PPP1R12A: variants seen among roughly 807,000 people sequenced by gnomAD.
The protein encoded by PPP1R12A is myosin binding subunit.
PPP1R12A carries 19 observed loss-of-function variants against 139.6 expected under a neutral mutation model. That is an observed-to-expected ratio of 0.14 (90% CI 0.09 to 0.20). The LOEUF is 0.20. Ranked by LOEUF, PPP1R12A falls within the 10% of genes least tolerant of loss-of-function variation. The pLI is 1.00. For missense variants in PPP1R12A, 925 were observed against 1,211.5 expected, an observed-to-expected ratio of 0.76 and a Z score of 3.51; for synonymous variants, 427 against 420.6, an observed-to-expected ratio of 1.02 and a Z score of -0.19.
At chr12:79,858,626 A>C (rs1017077521) in intron 2 of PPP1R12A, among the ~76,000 whole-genome samples, 1 of 151,936 alleles carries the variant, frequency 6.6e-6, no homozygotes, top group South Asian at 2.1e-4. Context: ...TGCTGGGGGG[A>C]GGTGAGGTTC....
At chr12:79,912,327 T>TACA (rs1886638960) in intron 1 of PPP1R12A, among the ~76,000 whole-genome samples, 2 of 152,242 alleles carry the variant, frequency 1.3e-5, no homozygotes, top group Non-Finnish European at 1.5e-5. Flanking sequence ...GGTCTTGTTT[T>TACA]GCTAATCTCT....
At chr12:79,906,050 A>T (rs1180362239) in intron 1 of PPP1R12A, among the ~76,000 whole-genome samples, 1 of 152,236 alleles carries the variant, frequency 6.6e-6, no homozygotes, top group Admixed American at 6.5e-5. Flanking sequence ...TTTAAATGAA[A>T]AAAATCTTAT....
chr12:79,798,508 TAG>T lies in PPP1R12A; in HGVS notation c.2075_2076del (p.Ser692Ter). On this transcript the variant is annotated frameshift_variant, in exon 15 of 25. Transcript: ENST00000450142. LOFTEE classifies it high-confidence loss of function. Reference sequence around the variant, plus strand: ...ATTAACTATACCTGTGTTGATCTTCTAGATTGTCTTGCTTGTCTAGATCTTGC... The same window carrying T: ...ATTAACTATACCTGTGTTGATCTTCTATTGTCTTGCTTGTCTAGATCTTGC... ...RKARSRQARQ[S>X]RRSTQGVTLT... is the part of the protein sequence containing the mutation. 1 of 1,552,054 alleles carries T rather than the reference TAG, an allele frequency of 6.4e-7. No individual in the cohort carries two copies. Among genetic ancestry groups the T allele is most frequent in the Non-Finnish European group, 8.8e-7 (1 of 1,141,404 alleles).
intron 2 of PPP1R12A, among the ~76,000 whole-genome samples, chr12:79,859,400 A>G (rs2137274893): frequency 6.6e-6 from 1 of 152,066 alleles, no homozygotes; most frequent in African/African-American, 2.4e-5. Context: ...GAGAGATGGA[A>G]AAAGGTAATG....
intron 9 of PPP1R12A, among the ~76,000 whole-genome samples, chr12:79,814,452 G>C (rs1875014352): frequency 7.2e-6 from 1 of 139,200 alleles, no homozygotes; most frequent in Non-Finnish European, 1.5e-5. Context: ...ACTCCAGCCT[G>C]GGCAACAGAG....
At chr12:79,874,267 C>A (rs1211752106) in intron 1 of PPP1R12A, among the ~76,000 whole-genome samples, 1 of 150,106 alleles carries the variant, frequency 6.7e-6, no homozygotes, top group Non-Finnish European at 1.5e-5. Flanking sequence ...GAGCAAGACT[C>A]CGTCTCCAAA....
At chr12:79,923,997 T>C (rs1370904091) in intron 1 of PPP1R12A, among the ~76,000 whole-genome samples, 2 of 152,150 alleles carry the variant, frequency 1.3e-5, no homozygotes, top group Non-Finnish European at 2.9e-5. Flanking sequence ...TGAGCCGAGA[T>C]TGTGCCATTG....
intron 23 of PPP1R12A, chr12:79,779,468 A>T: frequency 1.3e-6 from 1 of 779,370 alleles, no homozygotes; most frequent in Non-Finnish European, 1.9e-6. Context: ...TTTACTGTAA[A>T]TGTTAATGTT....
At chr12:79,886,692 A>C (rs1884134920) in intron 1 of PPP1R12A, among the ~76,000 whole-genome samples, 1 of 152,170 alleles carries the variant, frequency 6.6e-6, no homozygotes, top group African/African-American at 2.4e-5. Context: ...AAAAAATCTG[A>C]CGAAAACAAT....
chr12:79,843,939 G>C (rs891366348), intron 3 of PPP1R12A, among the ~76,000 whole-genome samples: 2 of 151,926 alleles, frequency 1.3e-5, no homozygotes, highest in African/African-American at 4.8e-5. Context: ...TCCTGACCTC[G>C]TGATCTGCCC....
intron 14 of PPP1R12A, among the ~76,000 whole-genome samples, chr12:79,799,093 A>G (rs1872791663): frequency 6.6e-6 from 1 of 152,140 alleles, no homozygotes; most frequent in Admixed American, 6.5e-5. Context: ...CTCTACCTAC[A>G]GTATTTTCAA....
At chr12:79,871,599 TC>T in intron 2 of PPP1R12A, among the ~76,000 whole-genome samples, 1 of 152,268 alleles carries the variant, frequency 6.6e-6, no homozygotes, top group South Asian at 2.1e-4. Flanking sequence ...AAGGTTATAC[TC>T]CTTGATAGTG....
intron 1 of PPP1R12A, among the ~76,000 whole-genome samples, chr12:79,887,374 T>C (rs756792083): frequency 6.6e-6 from 1 of 152,054 alleles, no homozygotes; most frequent in East Asian, 1.9e-4. Context: ...TTCCTGACAG[T>C]GCTATTTCAA....
At chr12:79,812,383 T>TGTGTGC (rs746676216) in intron 9 of PPP1R12A, among the ~76,000 whole-genome samples, 7,494 of 43,852 alleles carry the variant, frequency 0.17, 317 homozygotes, top group Non-Finnish European at 0.38. Context: ...TGACTGACTC[T>TGTGTGC]GTGTGTGCGT....
At chr12:79,815,729 C>A (rs1875287791) in intron 9 of PPP1R12A, among the ~76,000 whole-genome samples, 1 of 152,078 alleles carries the variant, frequency 6.6e-6, no homozygotes, top group Non-Finnish European at 1.5e-5. Flanking sequence ...TAACAGTCTT[C>A]AAAATTTTGC....
chr12:79,814,263 G>A (rs1052490386), intron 9 of PPP1R12A, among the ~76,000 whole-genome samples: 1 of 151,240 alleles, frequency 6.6e-6, no homozygotes, highest in Non-Finnish European at 1.5e-5. Flanking sequence ...GGATCACGAG[G>A]TCAGGAGATC....
intron 1 of PPP1R12A, among the ~76,000 whole-genome samples, chr12:79,908,028 G>C (rs1286615792): frequency 6.6e-6 from 1 of 152,152 alleles, no homozygotes. Context: ...GGAAAAATCA[G>C]ACGGCTTGCT....
chr12:79,925,723 C>T (rs929826922), intron 1 of PPP1R12A, among the ~76,000 whole-genome samples: 1 of 151,998 alleles, frequency 6.6e-6, no homozygotes, highest in African/African-American at 2.4e-5. Context: ...GGCAGTAACA[C>T]AGAACTCAAG....
chr12:79,817,481 G>A lies in PPP1R12A; in HGVS notation c.1152C>T (p.Asn384=). The A allele has an allele frequency of 6.2e-7, 1 of 1,602,650 alleles. No homozygotes were observed. The highest frequency in any genetic ancestry group is 8.5e-7 in the Non-Finnish European group (1 of 1,173,438). ...CAGGAGCTGCTTGTGTACTAGAAGT[G>A]TTGGCATTAGTTACAGAAGCCAGGG... The part of the protein sequence containing the change: ...TKPLASVTNA[N]TSSTQAAPVA... Residue 384 remains asparagine (N), a synonymous_variant, in exon 9 of 25, where the codon AAC becomes AAT. Transcript: ENST00000450142.
Sources: gnomAD v4.1 joint callset for allele counts (sites outside exome capture counted in the v4.1 genomes callset) on GRCh38, gnomAD v4.1.1 for gene constraint, MANE v1.5 for transcripts, NCBI Gene and HGNC (gene_info 2026-07-23, HGNC 2026-07-21) for gene names.